Variants in NPAS3 observed in about 807,000 individuals in gnomAD.
NPAS3 encodes neuronal PAS domain-containing protein 3.
In NPAS3, 14 loss-of-function variants were observed where a neutral mutation model predicts 73.1. The ratio of observed to expected loss-of-function variants is 0.19; its 90% CI spans 0.13 to 0.30. NPAS3 has a LOEUF of 0.30. NPAS3 is among the 10% of genes least tolerant of loss of function. NPAS3 has a pLI of 1.00. For synonymous variants in NPAS3, 620 were observed against 541.5 expected (o/e 1.14, Z -2.01); for missense variants, 1,096 against 1,250.0 (o/e 0.88, Z 1.86).
chr14:33,462,964 A>G (rs554504289), intron 4 of NPAS3, among the ~76,000 whole-genome samples: 1 of 152,362 alleles, frequency 6.6e-6, no homozygotes, highest in Admixed American at 6.5e-5. Flanking sequence ...AGTAGGTAAT[A>G]AATGGTCATT....
intron 2 of NPAS3, among the ~76,000 whole-genome samples, chr14:33,078,542 AAAAC>A (rs760376910): frequency 1.1e-3 from 156 of 142,276 alleles, no homozygotes; most frequent in Non-Finnish European, 1.8e-3. Flanking sequence ...CAAAAAAAAA[AAAAC>A]AAACAAAAAA....
intron 3 of NPAS3, among the ~76,000 whole-genome samples, chr14:33,290,419 G>A (rs763031631): frequency 9.9e-5 from 15 of 152,176 alleles, no homozygotes; most frequent in Non-Finnish European, 1.3e-4. Context: ...AGAAAGAGGG[G>A]CTAAGTGTGT....
intron 7 of NPAS3, among the ~76,000 whole-genome samples, chr14:33,769,422 G>A (rs983888419): frequency 1.3e-5 from 2 of 152,144 alleles, no homozygotes; most frequent in Admixed American, 6.5e-5. Context: ...TGTCGTCATC[G>A]TCCTGTGGGA....
chr14:32,935,022 G>A, upstream of NPAS3: 2 of 1,288,912 alleles, frequency 1.6e-6, no homozygotes, highest in Non-Finnish European at 2.0e-6. Context: ...TCCCGCCTGG[G>A]CTGGGATAGT....
At chr14:33,747,896 C>T (rs2061851807) in intron 7 of NPAS3, among the ~76,000 whole-genome samples, 1 of 152,188 alleles carries the variant, frequency 6.6e-6, no homozygotes, top group Admixed American at 6.6e-5. Context: ...ACTTTCCTCA[C>T]CTCCCCATCT....
rs541575398 is a variant in NPAS3, at chr14:33,795,834, T to C, written c.1302-1623T>C. Among the ~76,000 whole-genome samples the C allele has an allele frequency of 5.3e-5, 8 of 152,338 alleles. 1 individual carries two copies. The highest frequency in any genetic ancestry group is 2.6e-4 in the Admixed American group (4 of 15,296). ...AACTCATGAGCTTTGGTGATTCTAT[T>C]CCATCAAATCCCATATGGATAGGAA... On this transcript the variant is annotated intron_variant, in intron 10 of 11. Transcript: ENST00000356141.
intron 4 of NPAS3, among the ~76,000 whole-genome samples, chr14:33,487,113 A>C (rs2051644825): frequency 6.6e-6 from 1 of 152,194 alleles, no homozygotes; most frequent in Non-Finnish European, 1.5e-5. Flanking sequence ...TTTCTTTATA[A>C]CAGCAGAGTT....
chr14:33,209,393 G>A (rs1177409304), intron 2 of NPAS3, among the ~76,000 whole-genome samples: 1 of 152,128 alleles, frequency 6.6e-6, no homozygotes, highest in African/African-American at 2.4e-5. Context: ...TGAAGGAAGG[G>A]CAAGCATTGC....
chr14:33,350,508 T>G (rs1269209640), intron 3 of NPAS3, among the ~76,000 whole-genome samples: 1 of 152,180 alleles, frequency 6.6e-6, no homozygotes, highest in Non-Finnish European at 1.5e-5. Flanking sequence ...TACATTAAAC[T>G]AGAATAAAAA....
chr14:33,331,407 C>T (rs1448536240), intron 3 of NPAS3, among the ~76,000 whole-genome samples: 3 of 152,126 alleles, frequency 2.0e-5, no homozygotes, highest in Non-Finnish European at 2.9e-5. Flanking sequence ...ATTATGTATG[C>T]GTTTCATTAC....
At chr14:33,363,269 C>A (rs2045689521) in intron 3 of NPAS3, among the ~76,000 whole-genome samples, 2 of 152,178 alleles carry the variant, frequency 1.3e-5, no homozygotes, top group Admixed American at 1.3e-4. Context: ...TTGCCTTTTA[C>A]TGCACTGAAT....
chr14:33,234,549 T>A (rs921421915), intron 3 of NPAS3, among the ~76,000 whole-genome samples: 1 of 152,090 alleles, frequency 6.6e-6, no homozygotes, highest in East Asian at 1.9e-4. Context: ...GCTCGTTAAG[T>A]CTGGCCAGTT....
chr14:33,515,835 C>A (rs189306135), intron 4 of NPAS3, among the ~76,000 whole-genome samples: 2 of 152,212 alleles, frequency 1.3e-5, no homozygotes. Flanking sequence ...CTCTTTTCCT[C>A]TTTCTGCTTT....
chr14:33,243,805 A>T (rs2048289124), intron 3 of NPAS3, among the ~76,000 whole-genome samples: 1 of 152,020 alleles, frequency 6.6e-6, no homozygotes, highest in African/African-American at 2.4e-5. Flanking sequence ...CTGAAGGATG[A>T]GTAAGAGCTT....
intron 7 of NPAS3, among the ~76,000 whole-genome samples, chr14:33,738,148 A>G (rs959447098): frequency 6.6e-6 from 1 of 152,190 alleles, no homozygotes; most frequent in Non-Finnish European, 1.5e-5. Flanking sequence ...CCTCTATGCC[A>G]GGCATGGTCC....
chr14:33,681,847 A>T (rs1289649783), intron 6 of NPAS3, among the ~76,000 whole-genome samples: 1 of 151,002 alleles, frequency 6.6e-6, no homozygotes, highest in Non-Finnish European at 1.5e-5. Context: ...CTAGATTTAT[A>T]CTTAATGACA....
intron 2 of NPAS3, among the ~76,000 whole-genome samples, chr14:33,144,888 C>T (rs1217034818): frequency 6.6e-6 from 1 of 152,154 alleles, no homozygotes; most frequent in Non-Finnish European, 1.5e-5. Context: ...GCCACCACAC[C>T]TAGCCTTCAT....
intron 4 of NPAS3, among the ~76,000 whole-genome samples, chr14:33,456,114 AG>A: frequency 6.6e-6 from 1 of 152,302 alleles, no homozygotes; most frequent in Non-Finnish European, 1.5e-5. Flanking sequence ...AATTTTTGGA[AG>A]GGTTTAGGAA....
chr14:33,544,786 T>TA lies in NPAS3; in HGVS notation c.469-15334dup, dbSNP rs2054706956. Among the ~76,000 whole-genome samples the TA allele has an allele frequency of 5.8e-5, 3 of 51,320 alleles. No homozygotes were observed. The African/African-American group carries it at 7.0e-4, about 12-fold the overall frequency. The allele number at this position is 51,320 out of a possible 152,430, so 33.7% of individuals were successfully genotyped here. ...ATGCATGTATGTGTTTATGTGTGTG[T>TA]ATTATATATATATATATATATATAT... On this transcript the variant is annotated intron_variant, in intron 4 of 11. Transcript: ENST00000356141.
Sources: gnomAD v4.1 joint callset for allele counts (sites outside exome capture counted in the v4.1 genomes callset) on GRCh38, gnomAD v4.1.1 for gene constraint, MANE v1.5 for transcripts, NCBI Gene and HGNC (gene_info 2026-07-23, HGNC 2026-07-21) for gene names.